Variants in ZNF75D observed in about 807,000 individuals in gnomAD.
ZNF75D encodes zinc finger protein 75.
In ZNF75D, 33 loss-of-function variants were observed where a neutral mutation model predicts 33.3. The ratio of observed to expected loss-of-function variants is 0.99; its 90% confidence interval spans 0.75 to 1.32. The LOEUF is 1.32. Ranked by LOEUF, ZNF75D falls within the 40% of genes most tolerant of loss-of-function variation. The pLI is 0.00. For missense variants in ZNF75D, 338 were observed against 367.5 expected (o/e 0.92, Z 0.66); for synonymous variants, 113 against 130.6 (o/e 0.87, Z 0.92).
chrX:135,303,195 G>A (rs2084242162), intron 1 of ZNF75D, among the ~76,000 whole-genome samples: 1 of 109,594 alleles, frequency 9.1e-6, no homozygotes, highest in Non-Finnish European at 1.9e-5. Flanking sequence ...CATTGCCCAG[G>A]GACAGGCAGG....
chrX:135,342,445 G>A lies in ZNF75D; in HGVS notation c.-1068C>T, dbSNP rs2084795632. 8.9e-6 allele frequency: 1 copy of A among 112,002 alleles called. No homozygotes were observed. Among genetic ancestry groups the A allele is most frequent in the Non-Finnish European group, 1.9e-5 (1 of 53,208 alleles). The allele number at this position is 112,002 out of a possible 1,213,427, so 9.2% of individuals were successfully genotyped here. A position where few individuals can be genotyped will look rare whatever the true frequency, so the allele number is the denominator to read the frequency against. On this transcript the variant is annotated 5_prime_UTR_variant, in exon 1 of 7. Coordinates refer to ENST00000370766, the MANE Select transcript of ZNF75D (RefSeq NM_007131.5). ...GTCCATTTGGACCCAACAAGAGAAA[G>A]GGATGGTTTAAACTCAAGGTTTTTA...
At chrX:135,267,151 T>C (rs1312918109) in intron 1 of ZNF75D, among the ~76,000 whole-genome samples, 2 of 111,469 alleles carry the variant, frequency 1.8e-5, no homozygotes, top group Admixed American at 9.5e-5. Context: ...TAAGTGCCTA[T>C]ATCAAAAAAG....
intron 1 of ZNF75D, among the ~76,000 whole-genome samples, chrX:135,335,304 C>T (rs782494343): frequency 1.8e-5 from 2 of 111,123 alleles, no homozygotes; most frequent in East Asian, 5.7e-4. Flanking sequence ...AGAGTACTGA[C>T]TATCCCCTTT....
At chrX:135,291,605 T>G (rs1556421287) in intron 4 of ZNF75D, 42 bp from the exon 5 acceptor site, 3 of 1,194,073 alleles carry the variant, frequency 2.5e-6, no homozygotes, top group Non-Finnish European at 3.4e-6. Flanking sequence ...TGTTTCCTAT[T>G]TACAAACATC....
At chrX:135,267,105 T>C (rs985739193) in intron 1 of ZNF75D, among the ~76,000 whole-genome samples, 3 of 111,291 alleles carry the variant, frequency 2.7e-5, no homozygotes, top group Non-Finnish European at 5.7e-5. Flanking sequence ...ATATGGGATA[T>C]AGCAAAATCA....
downstream of ZNF75D, among the ~76,000 whole-genome samples, chrX:135,283,007 G>A (rs2083926343): frequency 1.8e-5 from 2 of 110,911 alleles, no homozygotes; most frequent in Admixed American, 1.9e-4. Flanking sequence ...GAGATACACA[G>A]AGCCTAAAGA....
intron 1 of ZNF75D, among the ~76,000 whole-genome samples, chrX:135,331,841 A>G (rs1364918522): frequency 9.0e-6 from 1 of 111,127 alleles, no homozygotes; most frequent in African/African-American, 3.3e-5. Flanking sequence ...TAACCCTTCC[A>G]TGTCCTTTTC....
intron 2 of ZNF75D, among the ~76,000 whole-genome samples, chrX:135,294,800 G>C (rs2084100768): frequency 9.0e-6 from 1 of 111,651 alleles, no homozygotes; most frequent in South Asian, 3.8e-4. Flanking sequence ...GGAGAACTGA[G>C]ACAGCAAGAT....
At chrX:135,257,029 C>G (rs187819804) in intron 1 of ZNF75D, among the ~76,000 whole-genome samples, 48 of 111,050 alleles carry the variant, frequency 4.3e-4, no homozygotes, top group Non-Finnish European at 7.6e-4. Flanking sequence ...TAACACCCAG[C>G]GAGATGCAGG....
intron 1 of ZNF75D, among the ~76,000 whole-genome samples, chrX:135,270,205 T>A (rs1475930472): frequency 9.2e-6 from 1 of 108,201 alleles, no homozygotes; most frequent in Non-Finnish European, 1.9e-5. Context: ...GGGATCATAG[T>A]TGATAATAAT....
intron 1 of ZNF75D, among the ~76,000 whole-genome samples, chrX:135,257,933 G>A (rs1345715360): frequency 4.6e-5 from 5 of 108,605 alleles, no homozygotes; most frequent in Non-Finnish European, 7.7e-5. Flanking sequence ...TTCACATTAG[G>A]TATTTCTCCT....
chrX:135,290,215 C>A (rs1042600448), intron 6 of ZNF75D, among the ~76,000 whole-genome samples: 3 of 112,224 alleles, frequency 2.7e-5, no homozygotes, highest in Non-Finnish European at 5.6e-5. Flanking sequence ...TTGTAATTTT[C>A]TCTTACCTGT....
At chrX:135,261,473 G>T (rs782304628) in intron 1 of ZNF75D, among the ~76,000 whole-genome samples, 11 of 111,735 alleles carry the variant, frequency 9.8e-5, no homozygotes, top group Non-Finnish European at 2.1e-4. Flanking sequence ...TATGAATCTG[G>T]GTGCTCCTGT....
intron 1 of ZNF75D, among the ~76,000 whole-genome samples, chrX:135,277,376 T>C (rs1331580713): frequency 1.8e-5 from 2 of 112,503 alleles, no homozygotes; most frequent in Non-Finnish European, 3.8e-5. Context: ...CATTGTAGAT[T>C]CTGTATATTA....
At chrX:135,280,098 A>G (rs964115032) in intron 1 of ZNF75D, among the ~76,000 whole-genome samples, 2 of 111,108 alleles carry the variant, frequency 1.8e-5, no homozygotes, top group African/African-American at 6.6e-5. Flanking sequence ...AAGTCTCCCA[A>G]TATTATTGTG....
At chrX:135,289,598 A>G (rs2084005726) in intron 6 of ZNF75D, among the ~76,000 whole-genome samples, 1 of 102,590 alleles carries the variant, frequency 9.7e-6, no homozygotes, top group African/African-American at 3.6e-5. Context: ...CCTGGGTGAC[A>G]GAGTGAGACT....
At chrX:135,305,825 G>C (rs1556425616) in intron 1 of ZNF75D, among the ~76,000 whole-genome samples, 2 of 111,559 alleles carry the variant, frequency 1.8e-5, no homozygotes, top group African/African-American at 6.5e-5. Context: ...CATCTGTTGT[G>C]GTCTCGGGTA....
chrX:135,307,262 G>T, intron 1 of ZNF75D, among the ~76,000 whole-genome samples: 1 of 111,684 alleles, frequency 9.0e-6, no homozygotes, highest in South Asian at 3.8e-4. Context: ...AAACCTGAAG[G>T]ACTGAGCCTT....
rs147129451 is a variant in ZNF75D, at chrX:135,266,892, A to G, written n.828-11115T>C. Among the ~76,000 whole-genome samples, 55 of 112,249 alleles carry G rather than the reference A, an allele frequency of 4.9e-4. 1 individual carries two copies. Among genetic ancestry groups the G allele is most frequent in the African/African-American group, 1.7e-3 (54 of 31,015 alleles). ...CAAAACAAGTCTTAAAACAATCATA[A>G]ACATTGAAAAAATATCAAGCATCTT... On this transcript the variant is annotated intron_variant and non_coding_transcript_variant, in intron 1 of 3. Transcript: ENST00000494295.
Sources: gnomAD v4.1 joint callset for allele counts (sites outside exome capture counted in the v4.1 genomes callset) on GRCh38, gnomAD v4.1.1 for gene constraint, MANE v1.5 for transcripts, NCBI Gene and HGNC (gene_info 2026-07-23, HGNC 2026-07-21) for gene names.